CFAP54: variants seen among roughly 807,000 people sequenced by gnomAD.
CFAP54 encodes cilia and flagella associated protein 54, also known as cilia- and flagella-associated protein 54.
Under a neutral mutation model 370.4 loss-of-function variants are expected in CFAP54, and 290 were observed. The observed-to-expected ratio is 0.78, with a 90% CI of 0.71 to 0.86. CFAP54 has a LOEUF of 0.86. Ranked by LOEUF, CFAP54 falls within the 40% of genes least tolerant of loss-of-function variation. The pLI is 0.00. For missense variants in CFAP54, 3,399 were observed against 3,528.7 expected, an observed-to-expected ratio of 0.96 and a Z score of 0.93; for synonymous variants, 1,206 against 1,236.5, an observed-to-expected ratio of 0.98 and a Z score of 0.52.
chr12:96,794,420 A>C lies in CFAP54; in HGVS notation c.8850+1921A>C, dbSNP rs541125946. ...TAACATAATCCCAAACTTCTTGGAG[A>C]TGTTGTTCTTTTTTTATTCTTTTTT... is the stretch of plus-strand genomic sequence containing the variant. On this transcript the variant is annotated intron_variant, in intron 63 of 67. Coordinates refer to ENST00000524981, the MANE Select transcript of CFAP54 (RefSeq NM_001306084.2). Among the ~76,000 whole-genome samples the C allele has an allele frequency of 2.0e-5, 3 of 149,100 alleles. No homozygotes were observed. The East Asian group carries it at 5.9e-4, about 29-fold the overall frequency.
chr12:96,531,121 CTCA>C (rs1955436966), intron 9 of CFAP54, among the ~76,000 whole-genome samples: 1 of 152,000 alleles, frequency 6.6e-6, no homozygotes, highest in African/African-American at 2.4e-5. Context: ...TTTTTTTCTC[CTCA>C]TCATTACTTC....
intron 19 of CFAP54, among the ~76,000 whole-genome samples, chr12:96,566,541 G>A (rs575464086): frequency 2.0e-5 from 3 of 152,146 alleles, no homozygotes; most frequent in South Asian, 2.1e-4. Flanking sequence ...CTTTAAAAAC[G>A]TGGATACAGA....
chr12:96,768,258 T>A (rs1225705360), intron 60 of CFAP54, among the ~76,000 whole-genome samples: 1 of 151,856 alleles, frequency 6.6e-6, no homozygotes, highest in Admixed American at 6.6e-5. Context: ...AAGGTGGAGG[T>A]TGCAGTGAGC....
Position 96,784,876 on chromosome 12 carries a change from T to TGAGCA in CFAP54, c.8442_8446dup (p.Lys2816ArgfsTer5). The TGAGCA allele has an allele frequency of 6.6e-7, 1 of 1,518,534 alleles. No individual in the cohort carries two copies. Among genetic ancestry groups the TGAGCA allele is most frequent in the Non-Finnish European group, 8.8e-7 (1 of 1,138,626 alleles). 94.1% of individuals were successfully genotyped at this position (1,518,534 alleles called of 1,614,324 possible). A position where few individuals can be genotyped will look rare whatever the true frequency, so the allele number is the denominator to read the frequency against. ...ATTCACCTTCAGAGGATTAATAATC[T>TGAGCA]GAGCAAACTGCTAGGTAGGTTTTTT... On this transcript the variant is annotated frameshift_variant, in exon 61 of 68. Transcript: ENST00000524981. LOFTEE classifies it high-confidence loss of function.
intron 66 of CFAP54, among the ~76,000 whole-genome samples, chr12:96,845,435 C>T (rs1959311611): frequency 6.6e-6 from 1 of 152,226 alleles, no homozygotes; most frequent in Non-Finnish European, 1.5e-5. Flanking sequence ...TGACAGCCCT[C>T]AACTCTCAAC....
chr12:96,497,813 T>C (rs1165734170), intron 1 of CFAP54, among the ~76,000 whole-genome samples: 1 of 152,248 alleles, frequency 6.6e-6, no homozygotes. Flanking sequence ...CCTACCTGCA[T>C]GTAGACCTAA....
rs548324011 is a variant in CFAP54 at position 96,507,025 on chromosome 12, A to G, written c.665A>G (p.His222Arg). Reference sequence around the variant, plus strand: ...AAAGAATCTGTGGTCCAGTGTCTGCATATCTTGTCCTCCTTAAGGCTCATC... The same window carrying G: ...AAAGAATCTGTGGTCCAGTGTCTGCGTATCTTGTCCTCCTTAAGGCTCATC... Reference protein sequence around the residue: ...KNKESVVQCLHILSSLRLIMQ... With the variant: ...KNKESVVQCLRILSSLRLIMQ... The change falls in exon 4 of 68, where the codon CAT (histidine) becomes CGT (arginine). Residue 222 changes from histidine to arginine, a missense_variant. Physicochemically the swap from His to Arg is conservative, Grantham distance 29 (BLOSUM62 0). Around this residue, in one of 3 missense-constraint regions of CFAP54, gnomAD observed 559 missense variants for 576.7 expected, o/e 0.97. Coordinates refer to ENST00000524981, the MANE Select transcript of CFAP54 (RefSeq NM_001306084.2). 14 of 1,535,926 alleles carry G rather than the reference A, an allele frequency of 9.1e-6. No individual in the cohort carries two copies. In the African/African-American group the frequency reaches 1.2e-4, roughly 14 times the overall value.
chr12:96,676,113 A>C (rs1957205098), intron 39 of CFAP54, among the ~76,000 whole-genome samples: 1 of 152,192 alleles, frequency 6.6e-6, no homozygotes, highest in Admixed American at 6.5e-5. Flanking sequence ...ACCAGTAGTC[A>C]TGATGTGAGT....
intron 4 of CFAP54, among the ~76,000 whole-genome samples, chr12:96,508,544 C>T (rs1438009438): frequency 6.6e-6 from 1 of 151,958 alleles, no homozygotes; most frequent in Non-Finnish European, 1.5e-5. Context: ...CCTCCACCTC[C>T]CAAAGTGCTG....
chr12:96,612,910 A>G (rs908969534), intron 26 of CFAP54, among the ~76,000 whole-genome samples: 4 of 152,178 alleles, frequency 2.6e-5, no homozygotes, highest in African/African-American at 9.6e-5. Flanking sequence ...AGACTCCCAC[A>G]TAATAATAAT....
At chr12:96,812,937 TTCAG>T (rs1467681677) in intron 64 of CFAP54, among the ~76,000 whole-genome samples, 1 of 152,132 alleles carries the variant, frequency 6.6e-6, no homozygotes, top group African/African-American at 2.4e-5. Context: ...TTTATTTTCA[TTCAG>T]TCAATTTATT....
chr12:96,592,374 C>G (rs1311118575), intron 23 of CFAP54, 116 bp from the exon 24 acceptor site: 2 of 353,866 alleles, frequency 5.7e-6, no homozygotes, highest in Non-Finnish European at 1.0e-5. Context: ...GTTCTAAATA[C>G]TTTTGTTGCT....
Position 96,681,120 on chromosome 12 carries a change from C to CCG in CFAP54, c.5716+1368_5716+1369insCG, listed in dbSNP as rs1957265055. On this transcript the variant is annotated intron_variant, in intron 40 of 67. Transcript: ENST00000524981. Reference sequence around the variant, plus strand: ...AAAACAAAACAGAAAAGCACCCCCCCACACACACACACAAAAAGTGGGTAA... The same window carrying CCG: ...AAAACAAAACAGAAAAGCACCCCCCCCGACACACACACACAAAAAGTGGGTAA... Among the ~76,000 whole-genome samples the CCG allele has an allele frequency of 8.3e-5, 7 of 84,386 alleles. No homozygotes were observed. The South Asian group carries it at 2.4e-3, about 29-fold the overall frequency. 55.4% of individuals were successfully genotyped at this position (84,386 alleles called of 152,430 possible).
intron 58 of CFAP54, among the ~76,000 whole-genome samples, chr12:96,761,873 G>A (rs1037831192): frequency 3.3e-5 from 5 of 152,124 alleles, no homozygotes; most frequent in African/African-American, 1.2e-4. Context: ...AGTTTCCACT[G>A]TCTTGGTTCC....
intron 4 of CFAP54, among the ~76,000 whole-genome samples, chr12:96,510,226 C>T (rs1955149918): frequency 6.9e-6 from 1 of 145,676 alleles, no homozygotes; most frequent in Non-Finnish European, 1.5e-5. Context: ...TCCCTCCAGC[C>T]TGGGCAACAG....
At chr12:96,846,905 G>C (rs553260629) in intron 66 of CFAP54, among the ~76,000 whole-genome samples, 49 of 152,234 alleles carry the variant, frequency 3.2e-4, no homozygotes, top group African/African-American at 1.1e-3. Context: ...GACACCAACT[G>C]GGTGTCCAAT....
At chr12:96,562,450 A>G (rs1330052066) in intron 17 of CFAP54, among the ~76,000 whole-genome samples, 1 of 138,136 alleles carries the variant, frequency 7.2e-6, no homozygotes, top group Non-Finnish European at 1.5e-5. Context: ...TTTTTTTAAG[A>G]CAGTCTCCCT....
rs749794928 is a variant in CFAP54 at position 96,539,078 on chromosome 12, G to GT, written c.1926+565dup. On this transcript the variant is annotated intron_variant, in intron 13 of 67. Coordinates refer to ENST00000524981, the MANE Select transcript of CFAP54 (RefSeq NM_001306084.2). ...GGCCTTTTCAGGTTTTTTTTTTTTTGTTTTTGTTTTTGAGATGGAGTCTTG... is the reference window on the plus strand; with the variant it reads ...GGCCTTTTCAGGTTTTTTTTTTTTTGTTTTTTGTTTTTGAGATGGAGTCTTG... Among the ~76,000 whole-genome samples the GT allele has an allele frequency of 9.8e-3, 1,236 of 126,094 alleles. 64 individuals are homozygous for GT. The highest frequency in any genetic ancestry group is 0.035 in the African/African-American group (1,156 of 32,804). The allele number at this position is 126,094 out of a possible 152,430, so 82.7% of individuals were successfully genotyped here. A position where few individuals can be genotyped will look rare whatever the true frequency, so the allele number is the denominator to read the frequency against.
In CFAP54 at chr12:96,622,255, T is replaced by C. The variant is rs1956505216; in HGVS notation, c.3771+534T>C. On this transcript the variant is annotated intron_variant, in intron 27 of 67. Transcript: ENST00000524981. The stretch of plus-strand genomic sequence containing the variant: ...CTTACAAGAACTTATGCTTATTGCC[T>C]TTCCTTGAAACTATGTAGTTTTGTA... Among the ~76,000 whole-genome samples the C allele has an allele frequency of 3.3e-5, 5 of 152,296 alleles. No individual in the cohort carries two copies. The South Asian group carries it at 8.3e-4, about 25-fold the overall frequency.
Sources: gnomAD v4.1 joint callset for allele counts (sites outside exome capture counted in the v4.1 genomes callset) on GRCh38, gnomAD v4.1.1 for gene constraint, gnomAD v4.1.1 regional missense constraint, MANE v1.5 for transcripts, NCBI Gene and HGNC (gene_info 2026-07-23, HGNC 2026-07-21) for gene names.